The following MPDZ variants were observed in gnomAD, a reference collection of about 807,000 sequenced individuals.
The protein encoded by MPDZ is multiple PDZ domain protein.
A neutral mutation model predicts 239.1 loss-of-function variants in MPDZ; 234 were observed. That is an observed-to-expected ratio of 0.98 (90% CI 0.88 to 1.09). The LOEUF (loss-of-function observed/expected upper bound fraction) is 1.09, where lower values mean the gene tolerates loss of function less well. Among genes scored for constraint, MPDZ ranks in the 50% least tolerant of loss-of-function variants. MPDZ has a pLI of 0.00. For synonymous variants in MPDZ, 1,048 were observed against 881.3 expected (o/e 1.19, Z -3.35); for missense variants, 3,175 against 2,510.0 (o/e 1.26, Z -5.66).
In MPDZ at chr9:13,224,572, T is replaced by C. The variant is rs992951074; in HGVS notation, c.195A>G (p.Ala65=). The change falls in exon 4 of 47, where the codon GCA becomes GCG. Residue 65 remains alanine, a synonymous_variant. Coordinates refer to ENST00000319217, the MANE Select transcript of MPDZ (RefSeq NM_001378778.1). Reference sequence around the variant, plus strand: ...ATTCAATATTTGAAGTTGCTGAAGTTGCAATATTTACCTAAGAGTAATGCA... The same window carrying C: ...ATTCAATATTTGAAGTTGCTGAAGTCGCAATATTTACCTAAGAGTAATGCA... The part of the protein sequence containing the change: ...VQQLKDQVNI[A]TSATSNIEYA... The C allele has an allele frequency of 2.5e-6, 4 of 1,609,270 alleles. No individual in the cohort carries two copies. The highest frequency in any genetic ancestry group is 3.4e-6 in the Non-Finnish European group (4 of 1,177,080).
intron 12 of MPDZ, among the ~76,000 whole-genome samples, chr9:13,198,001 C>A (rs1035486450): frequency 6.6e-6 from 1 of 152,028 alleles, no homozygotes; most frequent in Admixed American, 6.6e-5. Context: ...TCCTGTTGAT[C>A]GGCACTTAGG....
intron 1 of MPDZ, among the ~76,000 whole-genome samples, chr9:13,270,777 T>C (rs895137104): frequency 1.3e-5 from 2 of 152,164 alleles, no homozygotes; most frequent in African/African-American, 4.8e-5. Context: ...GATGCAGATC[T>C]TCCCCTCTCC....
At chr9:13,228,599 T>C (rs892254275) in intron 3 of MPDZ, among the ~76,000 whole-genome samples, 3 of 152,160 alleles carry the variant, frequency 2.0e-5, no homozygotes, top group Admixed American at 1.3e-4. Context: ...TTGCTTACCA[T>C]AGCATAAGCC....
chr9:13,135,839 T>C, intron 31 of MPDZ: 1 of 294,982 alleles, frequency 3.4e-6, no homozygotes. Context: ...CTCAATTTCT[T>C]TTCAGAGGCA....
chr9:13,258,400 C>T (rs528281258), intron 1 of MPDZ, among the ~76,000 whole-genome samples: 3 of 152,318 alleles, frequency 2.0e-5, no homozygotes, highest in Admixed American at 6.5e-5. Flanking sequence ...GGGCTTGTTT[C>T]AATGGCTTGC....
intron 2 of MPDZ, 116 bp from the exon 3 acceptor site, chr9:13,247,917 C>T: frequency 9.7e-7 from 1 of 1,031,242 alleles, no homozygotes; most frequent in Non-Finnish European, 1.4e-6. Context: ...ATAAAATTGT[C>T]TCTTTTAAAT....
chr9:13,130,585 T>G (rs1445933101), intron 32 of MPDZ, among the ~76,000 whole-genome samples: 1 of 152,212 alleles, frequency 6.6e-6, no homozygotes, highest in Non-Finnish European at 1.5e-5. Flanking sequence ...AGACAAGCTC[T>G]AGGGTCAAAC....
intron 1 of MPDZ, among the ~76,000 whole-genome samples, chr9:13,273,103 A>T (rs528815775): frequency 2.0e-5 from 3 of 152,114 alleles, no homozygotes; most frequent in Non-Finnish European, 4.4e-5. Flanking sequence ...GGCATCATCT[A>T]TGAGGCCCTC....
chr9:13,156,985 T>A (rs920732178), intron 24 of MPDZ, among the ~76,000 whole-genome samples: 36 of 152,266 alleles, frequency 2.4e-4, no homozygotes, highest in African/African-American at 8.2e-4. Context: ...AATAAGAAAT[T>A]CATGTTAGAT....
intron 3 of MPDZ, among the ~76,000 whole-genome samples, chr9:13,233,502 A>T (rs1564093240): frequency 6.6e-6 from 1 of 152,042 alleles, no homozygotes; most frequent in Admixed American, 6.6e-5. Context: ...CCTAAAGGGG[A>T]GGATTAGGAC....
chr9:13,185,420 T>C (rs1953958832), intron 18 of MPDZ, among the ~76,000 whole-genome samples: 1 of 152,094 alleles, frequency 6.6e-6, no homozygotes, highest in African/African-American at 2.4e-5. Flanking sequence ...TTTTAAACCT[T>C]TCTCCAGTCT....
At chr9:13,253,251 G>C (rs1968581667) in intron 1 of MPDZ, among the ~76,000 whole-genome samples, 1 of 146,634 alleles carries the variant, frequency 6.8e-6, no homozygotes, top group African/African-American at 2.5e-5. Flanking sequence ...CCCCAGATGA[G>C]AGAGCTCTAC....
In MPDZ at chr9:13,183,719, C is replaced by G. The variant is rs569021138; in HGVS notation, c.2482-134G>C. The G allele has an allele frequency of 2.3e-5, 19 of 809,570 alleles. No individual in the cohort carries two copies. The South Asian group carries it at 3.1e-4, about 13-fold the overall frequency. The allele number at this position is 809,570 out of a possible 1,614,324, so 50.1% of individuals were successfully genotyped here. On this transcript the variant is annotated intron_variant, in intron 18 of 46. Coordinates refer to ENST00000319217, the MANE Select transcript of MPDZ (RefSeq NM_001378778.1). ...GTATTTTCTATATGCCCTCTTAACC[C>G]TCATCAGACACTGCTAATGCAGCAG...
At chr9:13,197,180 T>C (rs1280540676) in intron 12 of MPDZ, among the ~76,000 whole-genome samples, 4 of 151,634 alleles carry the variant, frequency 2.6e-5, no homozygotes, top group African/African-American at 7.2e-5. Context: ...TATATATTTT[T>C]AGTTTGAAGA....
In MPDZ at chr9:13,158,028, G is replaced by A; in HGVS notation, c.3442C>T (p.Gln1148Ter). 1 of 1,612,338 alleles carries A rather than the reference G, an allele frequency of 6.2e-7. No homozygotes were observed. Among genetic ancestry groups the A allele is most frequent in the Admixed American group, 1.7e-5 (1 of 59,898 alleles). ...AGAAATAGTCCTTACCGCCTGGGCTGATTCCAATTGCTATATGCTGTGTTT... is the reference window on the plus strand; with the variant it reads ...AGAAATAGTCCTTACCGCCTGGGCTAATTCCAATTGCTATATGCTGTGTTT... The part of the protein sequence containing the change: ...LQNTAYSNWN[Q>*]PRRVELWREP... Residue 1148 changes from glutamine to a stop codon, truncating the protein, a stop_gained, in exon 24 of 47, where the codon CAG (glutamine) becomes TAG (stop). Coordinates refer to ENST00000319217, the MANE Select transcript of MPDZ (RefSeq NM_001378778.1). LOFTEE classifies it high-confidence loss of function.
intron 10 of MPDZ, among the ~76,000 whole-genome samples, chr9:13,208,883 T>G (rs955742980): frequency 9.2e-5 from 14 of 152,110 alleles, no homozygotes; most frequent in Non-Finnish European, 7.4e-5. Context: ...GGCTCTGTTC[T>G]TTCTCCCTAT....
At chr9:13,158,699 C>A (rs1950118537) in intron 23 of MPDZ, among the ~76,000 whole-genome samples, 1 of 152,164 alleles carries the variant, frequency 6.6e-6, no homozygotes, top group Admixed American at 6.6e-5. Flanking sequence ...AAGCAGTTTA[C>A]AACGCGTCTG....
In MPDZ at chr9:13,162,758, T is replaced by C. The variant is rs1271468950; in HGVS notation, c.3292A>G (p.Lys1098Glu). 4.3e-6 allele frequency: 7 copies of C among 1,611,162 alleles called. No individual in the cohort carries two copies. The highest frequency in any genetic ancestry group is 5.9e-6 in the Non-Finnish European group (7 of 1,178,398). ...YVPAEHLEEF[K>E]ISLGQQSGRV... ...CCAGATTGTTGTCCCAAGCTTATTTTGAACTCTTCCAAATGTTCTGCAGGC... is the reference window on the plus strand; with the variant it reads ...CCAGATTGTTGTCCCAAGCTTATTTCGAACTCTTCCAAATGTTCTGCAGGC... The change falls in exon 23 of 47, where the codon AAA becomes GAA. Residue 1098 changes from lysine to glutamate, a missense_variant. Lys to Glu is a moderately conservative substitution (Grantham distance 56). Coordinates refer to ENST00000319217, the MANE Select transcript of MPDZ (RefSeq NM_001378778.1).
At chr9:13,156,008 G>A (rs987312379) in intron 24 of MPDZ, among the ~76,000 whole-genome samples, 1 of 152,114 alleles carries the variant, frequency 6.6e-6, no homozygotes, top group African/African-American at 2.4e-5. Flanking sequence ...CAGAAGTTAT[G>A]TTCTTCTTTC....
Sources: allele counts gnomAD v4.1 joint callset (sites outside exome capture counted in the v4.1 genomes callset), GRCh38; gene constraint gnomAD v4.1.1; transcripts MANE v1.5; gene names NCBI Gene and HGNC (gene_info 2026-07-23, HGNC 2026-07-21).